The following MBD2 variants were observed in gnomAD, a reference collection of about 807,000 sequenced individuals.
MBD2 encodes methyl-CpG-binding domain protein 2.
Under a neutral mutation model 39.3 loss-of-function variants are expected in MBD2, and 9 were observed. The observed-to-expected ratio is 0.23, with a 90% confidence interval of 0.14 to 0.40. The LOEUF is 0.40. MBD2 is among the 10% of genes least tolerant of loss of function. The pLI, the probability that MBD2 is intolerant of heterozygous loss-of-function variation, is 1.00. For missense variants in MBD2, 458 were observed against 532.6 expected, an observed-to-expected ratio of 0.86 and a Z score of 1.38; for synonymous variants, 233 against 211.1, an observed-to-expected ratio of 1.10 and a Z score of -0.90.
In MBD2 at chr18:54,224,194, G is replaced by C. The variant is rs1055060945; in HGVS notation, c.366C>G (p.Pro122=). 158 of 1,215,920 alleles carry C rather than the reference G, an allele frequency of 1.3e-4. No individual in the cohort carries two copies. The highest frequency in any genetic ancestry group is 1.5e-4 in the Non-Finnish European group (146 of 979,022). 75.3% of individuals were successfully genotyped at this position (1,215,920 alleles called of 1,614,324 possible). A position where few individuals can be genotyped will look rare whatever the true frequency, so the allele number is the denominator to read the frequency against. The change falls in exon 1 of 7, where the codon CCC becomes CCG. Residue 122 remains proline (P), a synonymous_variant. Transcript: ENST00000256429. ...GGGGSGGGGA[P]RREPVPFPSG... The stretch of plus-strand genomic sequence containing the variant: ...ACGGGAAAGGGACCGGCTCCCGCCG[G>C]GGGGCGCCGCCGCCACCGCTGCCGC...
At chr18:54,206,619 T>G (rs2086451632) in intron 1 of MBD2, among the ~76,000 whole-genome samples, 1 of 152,230 alleles carries the variant, frequency 6.6e-6, no homozygotes, top group Non-Finnish European at 1.5e-5. Context: ...TCACAAACTC[T>G]TTGGTATTCT....
intron 3 of MBD2, among the ~76,000 whole-genome samples, chr18:54,178,733 A>G (rs989458098): frequency 6.6e-6 from 1 of 152,192 alleles, no homozygotes; most frequent in Non-Finnish European, 1.5e-5. Flanking sequence ...TCATATACAG[A>G]CTGAGTTCAA....
chr18:54,213,197 G>C (rs144488310), intron 1 of MBD2, among the ~76,000 whole-genome samples: 1,798 of 152,166 alleles, frequency 0.012, 30 homozygotes, highest in African/African-American at 0.041. Flanking sequence ...CCTGGCCACT[G>C]ACCGTGGCCC....
intron 2 of MBD2, among the ~76,000 whole-genome samples, chr18:54,201,917 C>T (rs1016948990): frequency 2.0e-5 from 3 of 151,576 alleles, no homozygotes; most frequent in Non-Finnish European, 2.9e-5. Flanking sequence ...TTATTCATCA[C>T]CAGTAATTCA....
At chr18:54,212,205 CT>C (rs1234613147) in intron 1 of MBD2, among the ~76,000 whole-genome samples, 2 of 152,114 alleles carry the variant, frequency 1.3e-5, no homozygotes, top group Non-Finnish European at 2.9e-5. Flanking sequence ...ATGTCTTCTA[CT>C]TGGTCCATAA....
intron 2 of MBD2, among the ~76,000 whole-genome samples, chr18:54,189,774 C>T (rs753174638): frequency 6.6e-6 from 1 of 152,032 alleles, no homozygotes; most frequent in Non-Finnish European, 1.5e-5. Context: ...CTCAGCCTCC[C>T]GAGTAGCTGG....
intron 5 of MBD2, among the ~76,000 whole-genome samples, chr18:54,161,820 AATATGATGGG>A (rs2144278523): frequency 6.6e-6 from 1 of 152,302 alleles, no homozygotes; most frequent in African/African-American, 2.4e-5. Context: ...AGAACTTGTG[AATATGATGGG>A]ATATCTCTCC....
At chr18:54,212,750 T>C (rs1451127906) in intron 1 of MBD2, among the ~76,000 whole-genome samples, 2 of 151,086 alleles carry the variant, frequency 1.3e-5, no homozygotes, top group African/African-American at 4.8e-5. Context: ...AATTTGCTGG[T>C]TGGGCAAAGT....
Position 54,159,759 on chromosome 18 carries a change from G to T in MBD2, c.*12+6C>A, listed in dbSNP as rs2086081863. On this transcript the variant is annotated splice_donor_region_variant and intron_variant, in intron 6 of 6. Coordinates refer to ENST00000256429, the MANE Select transcript of MBD2 (RefSeq NM_003927.5). ...TTCCAAGTCACTCTCTCTGGTGTCA[G>T]TTTACCTGATCATATTCTTAGGCTT... 1 of 1,606,458 alleles carries T rather than the reference G, an allele frequency of 6.2e-7. No individual in the cohort carries two copies. The highest frequency in any genetic ancestry group is 8.5e-7 in the Non-Finnish European group (1 of 1,179,710).
intron 2 of MBD2, among the ~76,000 whole-genome samples, chr18:54,192,026 GT>G (rs2086323006): frequency 6.6e-6 from 1 of 152,132 alleles, no homozygotes; most frequent in Non-Finnish European, 1.5e-5. Flanking sequence ...TGCTCTCCTG[GT>G]CATTCTGTGA....
chr18:54,204,714 G>A (rs182501798), intron 2 of MBD2, among the ~76,000 whole-genome samples: 2 of 151,988 alleles, frequency 1.3e-5, no homozygotes, highest in Admixed American at 6.6e-5. Context: ...CTATTTTGAG[G>A]GGAAAAAGAA....
At chr18:54,204,341 A>G (rs1243512315) in intron 2 of MBD2, among the ~76,000 whole-genome samples, 1 of 152,240 alleles carries the variant, frequency 6.6e-6, no homozygotes, top group East Asian at 1.9e-4. Context: ...CTTTAACATA[A>G]TTAAATTAGT....
At chr18:54,195,760 T>C (rs1242489851) in intron 2 of MBD2, among the ~76,000 whole-genome samples, 2 of 152,102 alleles carry the variant, frequency 1.3e-5, no homozygotes, top group South Asian at 4.1e-4. Flanking sequence ...TTAGAGTTTA[T>C]AGTCATGTTG....
Position 54,166,746 on chromosome 18 carries a change from G to A in MBD2, c.841-580C>T, listed in dbSNP as rs1034130258. Reference sequence around the variant, plus strand: ...ATTCATGAGTGACTCTTTCCCTGCTGCACAGGGCCTGGGTCACCATGGTCA... The same window carrying A: ...ATTCATGAGTGACTCTTTCCCTGCTACACAGGGCCTGGGTCACCATGGTCA... On this transcript the variant is annotated intron_variant, in intron 3 of 6. Transcript: ENST00000256429. Among the ~76,000 whole-genome samples the A allele has an allele frequency of 3.3e-5, 5 of 152,158 alleles. No individual in the cohort carries two copies. The East Asian group carries it at 9.6e-4, about 29-fold the overall frequency.
At chr18:54,194,374 T>A (rs2086347977) in intron 2 of MBD2, among the ~76,000 whole-genome samples, 1 of 152,072 alleles carries the variant, frequency 6.6e-6, no homozygotes, top group Non-Finnish European at 1.5e-5. Context: ...ACTTATTTCT[T>A]ATTTTAAACC....
intron 3 of MBD2, among the ~76,000 whole-genome samples, chr18:54,183,772 AT>A (rs1568084302): frequency 1.3e-5 from 2 of 152,224 alleles, no homozygotes; most frequent in South Asian, 2.1e-4. Flanking sequence ...GAAGTGGATA[AT>A]TTTTTTTAAG....
rs2086246150 is a variant in MBD2 at position 54,180,897 on chromosome 18, C to CCTTTTTTTTTTTTT, written c.840+7976_840+7977insAAAAAAAAAAAAAG. Among the ~76,000 whole-genome samples the CCTTTTTTTTTTTTT allele has an allele frequency of 6.6e-5, 7 of 105,360 alleles. 1 individual carries two copies. Among genetic ancestry groups the CCTTTTTTTTTTTTT allele is most frequent in the African/African-American group, 2.7e-4 (7 of 25,822 alleles). 69.1% of individuals were successfully genotyped at this position (105,360 alleles called of 152,430 possible). On this transcript the variant is annotated intron_variant, in intron 3 of 6. Coordinates refer to ENST00000256429, the MANE Select transcript of MBD2 (RefSeq NM_003927.5). ...CAGCCTATGTATTCCTTAATTTTTT[C>CCTTTTTTTTTTTTT]TTTTTCTTTTTTTTTTTTTTTTTTT...
chr18:54,216,517 A>C (rs952485789), intron 1 of MBD2, among the ~76,000 whole-genome samples: 1 of 152,248 alleles, frequency 6.6e-6, no homozygotes, highest in African/African-American at 2.4e-5. Flanking sequence ...GAGGAGGTTC[A>C]GAATCTCATG....
chr18:54,182,098 C>T (rs2144303335), intron 3 of MBD2, among the ~76,000 whole-genome samples: 1 of 152,102 alleles, frequency 6.6e-6, no homozygotes, highest in Non-Finnish European at 1.5e-5. Context: ...GGGACTTTGT[C>T]TTGTTCACTG....
Sources: gnomAD v4.1 joint callset for allele counts (sites outside exome capture counted in the v4.1 genomes callset) on GRCh38, gnomAD v4.1.1 for gene constraint, MANE v1.5 for transcripts, NCBI Gene and HGNC (gene_info 2026-07-23, HGNC 2026-07-21) for gene names.